POLN: variants seen among roughly 807,000 people sequenced by gnomAD.
POLN encodes the protein DNA polymerase N.
POLN carries 108 observed loss-of-function variants against 113.5 expected under a neutral mutation model. The ratio of observed to expected loss-of-function variants is 0.95; its 90% CI spans 0.81 to 1.12. POLN has a LOEUF of 1.12. POLN is among the 50% of genes most tolerant of loss of function. POLN has a pLI of 0.00. For synonymous variants in POLN, 386 were observed against 391.5 expected, an observed-to-expected ratio of 0.99 and a Z score of 0.17; for missense variants, 1,097 against 1,077.1, an observed-to-expected ratio of 1.02 and a Z score of -0.26.
In POLN at chr4:2,176,470, G is replaced by C. The variant is rs1265290203; in HGVS notation, c.1180-136C>G. ...GTTTTCAATGGCAGATGTCATGTAC[G>C]TGGTAGTATCACCAAACACCTCGAC... On this transcript the variant is annotated intron_variant, in intron 8 of 25. Coordinates refer to ENST00000511885, the MANE Select transcript of POLN (RefSeq NM_181808.4). 4.7e-6 allele frequency: 3 copies of C among 635,132 alleles called. No homozygotes were observed. The Middle Eastern group carries it at 1.3e-3, about 273-fold the overall frequency. 39.3% of individuals were successfully genotyped at this position (635,132 alleles called of 1,614,324 possible). A position where few individuals can be genotyped will look rare whatever the true frequency, so the allele number is the denominator to read the frequency against.
At chr4:2,147,109 A>G (rs1280555907) in intron 16 of POLN, among the ~76,000 whole-genome samples, 2 of 152,230 alleles carry the variant, frequency 1.3e-5, no homozygotes, top group Admixed American at 6.5e-5. Flanking sequence ...GAAAAATGAG[A>G]ACTCAAGATA....
At chr4:2,165,328 A>C (rs1732703277) in intron 13 of POLN, among the ~76,000 whole-genome samples, 1 of 152,250 alleles carries the variant, frequency 6.6e-6, no homozygotes, top group Admixed American at 6.5e-5. Flanking sequence ...TCAATCCGAA[A>C]AGGCTACATA....
rs552825077 is a variant in POLN at position 2,235,047 on chromosome 4, G to A, written c.-12-5804C>T. 6.6e-5 allele frequency among the ~76,000 whole-genome samples: 10 copies of A among 152,184 alleles called. No individual in the cohort carries two copies. The East Asian group carries it at 9.6e-4, about 15-fold the overall frequency. ...ATTACAGTCACCCGCCACCACGCCC[G>A]GCTAATTTTTGTATTTTTAGTAGAG... On this transcript the variant is annotated intron_variant, in intron 2 of 25. Coordinates refer to ENST00000511885, the MANE Select transcript of POLN (RefSeq NM_181808.4).
At chr4:2,125,446 T>C (rs1227696854) in intron 19 of POLN, among the ~76,000 whole-genome samples, 1 of 152,096 alleles carries the variant, frequency 6.6e-6, no homozygotes, top group Admixed American at 6.5e-5. Flanking sequence ...TAGTTATTTG[T>C]GGAAGATCAA....
intron 13 of POLN, among the ~76,000 whole-genome samples, chr4:2,165,676 G>A (rs1006478858): frequency 6.6e-6 from 1 of 152,156 alleles, no homozygotes; most frequent in African/African-American, 2.4e-5. Flanking sequence ...TTGATAGAGG[G>A]GGAGCCTGTA....
At chr4:2,233,956 C>T (rs550548979) in intron 2 of POLN, among the ~76,000 whole-genome samples, 1 of 152,062 alleles carries the variant, frequency 6.6e-6, no homozygotes, top group South Asian at 2.1e-4. Flanking sequence ...ACAAAAAACC[C>T]CAATGACCCT....
At chr4:2,153,923 C>T (rs992374209) in intron 16 of POLN, among the ~76,000 whole-genome samples, 3 of 151,624 alleles carry the variant, frequency 2.0e-5, no homozygotes, top group East Asian at 2.0e-4. Context: ...TAAGGCCAGG[C>T]GCGGTGGCTC....
intron 2 of POLN, among the ~76,000 whole-genome samples, chr4:2,234,751 T>C (rs1156746683): frequency 1.3e-5 from 2 of 152,244 alleles, no homozygotes; most frequent in African/African-American, 2.4e-5. Context: ...ATAGTCATTA[T>C]GTAATGCTAA....
intron 2 of POLN, chr4:2,240,439 T>C: frequency 2.5e-6 from 4 of 1,613,972 alleles, no homozygotes; most frequent in Non-Finnish European, 3.4e-6. Flanking sequence ...ACTTCATCAG[T>C]AAGAGCCTGA....
intron 19 of POLN, among the ~76,000 whole-genome samples, chr4:2,108,980 G>A (rs1365033976): frequency 1.3e-5 from 2 of 152,026 alleles, no homozygotes; most frequent in African/African-American, 4.8e-5. Context: ...GTGGGCGTCT[G>A]CTCTGCCCGC....
chr4:2,211,636 C>A (rs1733995754), intron 4 of POLN, among the ~76,000 whole-genome samples: 1 of 151,716 alleles, frequency 6.6e-6, no homozygotes, highest in Non-Finnish European at 1.5e-5. Context: ...ATTAGCTGGG[C>A]AATGATGGTG....
intron 7 of POLN, among the ~76,000 whole-genome samples, chr4:2,182,638 C>G (rs190311198): frequency 6.6e-6 from 1 of 152,012 alleles, no homozygotes; most frequent in African/African-American, 2.4e-5. Context: ...AATACAGACC[C>G]CTACCTCACA....
chr4:2,141,259 T>G (rs926754641), intron 16 of POLN, among the ~76,000 whole-genome samples: 5 of 152,236 alleles, frequency 3.3e-5, no homozygotes, highest in African/African-American at 1.2e-4. Context: ...ATTGTGGTAT[T>G]TTAACCTCCA....
intron 3 of POLN, among the ~76,000 whole-genome samples, chr4:2,225,168 T>C (rs529417128): frequency 1.3e-5 from 2 of 152,214 alleles, no homozygotes; most frequent in African/African-American, 2.4e-5. Context: ...AAAAGGCACA[T>C]ACTAAGTTGT....
intron 16 of POLN, among the ~76,000 whole-genome samples, chr4:2,145,489 C>G (rs1391087092): frequency 1.3e-5 from 2 of 151,884 alleles, no homozygotes; most frequent in African/African-American, 4.8e-5. Context: ...TGAAAATGGG[C>G]AAAAGAAATA....
chr4:2,219,274 T>C (rs1396688632), intron 3 of POLN, among the ~76,000 whole-genome samples: 1 of 152,204 alleles, frequency 6.6e-6, no homozygotes, highest in Non-Finnish European at 1.5e-5. Context: ...CAGGTATCAA[T>C]ATCATATGAA....
intron 7 of POLN, among the ~76,000 whole-genome samples, chr4:2,183,738 G>C (rs182998708): frequency 1.3e-5 from 2 of 152,242 alleles, no homozygotes; most frequent in East Asian, 1.9e-4. Flanking sequence ...ATATTATGTA[G>C]TGGTGATAGA....
Position 2,081,615 on chromosome 4 carries a change from G to GT in POLN, c.2308+17dup. The GT allele has an allele frequency of 6.2e-7, 1 of 1,612,472 alleles. No homozygotes were observed. Among genetic ancestry groups the GT allele is most frequent in the Non-Finnish European group, 8.5e-7 (1 of 1,178,494 alleles). ...GAAGCAAATGGACACAGAACTACAG[G>GT]TAAGAGGCTTCTGGTACCTTGCACC... is the stretch of plus-strand genomic sequence containing the variant. On this transcript the variant is annotated intron_variant, in intron 22 of 25. Coordinates refer to ENST00000511885, the MANE Select transcript of POLN (RefSeq NM_181808.4).
chr4:2,223,754 T>TA (rs1458748720), intron 3 of POLN, among the ~76,000 whole-genome samples: 4 of 152,184 alleles, frequency 2.6e-5, no homozygotes, highest in Non-Finnish European at 5.9e-5. Flanking sequence ...TTTGTGTATC[T>TA]AAACATAGGT....
Sources: allele counts gnomAD v4.1 joint callset (sites outside exome capture counted in the v4.1 genomes callset), GRCh38; gene constraint gnomAD v4.1.1; transcripts MANE v1.5; gene names NCBI Gene and HGNC (gene_info 2026-07-23, HGNC 2026-07-21).